MTUS2: variants seen among roughly 807,000 people sequenced by gnomAD.
MTUS2 encodes microtubule associated scaffold protein 2.
Under a neutral mutation model 114.1 loss-of-function variants are expected in MTUS2, and 40 were observed. The ratio of observed to expected loss-of-function variants is 0.35; its 90% CI spans 0.27 to 0.46. MTUS2 has a LOEUF of 0.46. Among genes scored for constraint, MTUS2 ranks in the 20% least tolerant of loss-of-function variants. The probability of loss-of-function intolerance (pLI) is 1.00; values close to 1 mark genes in which losing one functional copy is unlikely to be tolerated. For synonymous variants in MTUS2, 688 were observed against 672.0 expected (o/e 1.02, Z -0.37); for missense variants, 1,679 against 1,705.4 (o/e 0.98, Z 0.27).
intron 4 of MTUS2, among the ~76,000 whole-genome samples, chr13:29,046,117 AT>A (rs5802505): frequency 8.3e-5 from 12 of 144,744 alleles, no homozygotes; most frequent in African/African-American, 1.5e-4. Context: ...GTTAGTAAGT[AT>A]TTTTTTTTTT....
At chr13:28,957,666 C>G (rs182735607) in intron 2 of MTUS2, among the ~76,000 whole-genome samples, 152 of 150,584 alleles carry the variant, frequency 1.0e-3, no homozygotes, top group African/African-American at 3.5e-3. Flanking sequence ...CTTGAGCACC[C>G]ACAGATTTTT....
chr13:29,151,873 G>T (rs1305267028), intron 5 of MTUS2, among the ~76,000 whole-genome samples: 1 of 152,192 alleles, frequency 6.6e-6, no homozygotes, highest in East Asian at 1.9e-4. Flanking sequence ...TTGCATCCCA[G>T]GAGAAAAGAC....
intron 13 of MTUS2, among the ~76,000 whole-genome samples, chr13:29,498,032 G>A (rs1882659564): frequency 6.6e-6 from 1 of 152,148 alleles, no homozygotes; most frequent in African/African-American, 2.4e-5. Context: ...GCATAGGTGG[G>A]ACCTATAAGA....
intron 5 of MTUS2, among the ~76,000 whole-genome samples, chr13:29,204,817 C>T (rs1450345955): frequency 6.6e-6 from 1 of 152,246 alleles, no homozygotes; most frequent in African/African-American, 2.4e-5. Flanking sequence ...CCTCAGAACA[C>T]TAAAAGCGCG....
At chr13:29,310,151 C>G (rs1016752531) in intron 6 of MTUS2, among the ~76,000 whole-genome samples, 20 of 152,130 alleles carry the variant, frequency 1.3e-4, no homozygotes, top group Admixed American at 1.2e-3. Context: ...ATGCTAAGCG[C>G]TCTTAATCCA....
At chr13:28,994,078 T>A (rs955417034) in intron 2 of MTUS2, among the ~76,000 whole-genome samples, 1 of 151,906 alleles carries the variant, frequency 6.6e-6, no homozygotes. Context: ...CAGTCGCCGG[T>A]GTGTGATGTT....
intron 2 of MTUS2, among the ~76,000 whole-genome samples, chr13:28,858,097 G>A (rs1398891022): frequency 6.6e-6 from 1 of 151,154 alleles, no homozygotes; most frequent in Non-Finnish European, 1.5e-5. Context: ...AAGCCCTTGA[G>A]TGGGAATGTG....
intron 2 of MTUS2, among the ~76,000 whole-genome samples, chr13:28,886,826 C>T (rs2138158538): frequency 6.6e-6 from 1 of 152,248 alleles, no homozygotes; most frequent in East Asian, 1.9e-4. Context: ...GAGACCAAAG[C>T]TGCTTCAGCA....
chr13:29,497,094 T>C, intron 12 of MTUS2, 144 bp from the exon 13 acceptor site: 1 of 692,122 alleles, frequency 1.4e-6, no homozygotes, highest in South Asian at 1.8e-5. Flanking sequence ...GGGGCTCTCC[T>C]TTGGCACCTC....
intron 3 of MTUS2, among the ~76,000 whole-genome samples, chr13:29,032,102 G>A (rs2138514094): frequency 6.6e-6 from 1 of 152,222 alleles, no homozygotes; most frequent in South Asian, 2.1e-4. Context: ...TATTCTGTCA[G>A]TAAAGATGAA....
intron 2 of MTUS2, among the ~76,000 whole-genome samples, chr13:28,984,654 C>T (rs777373663): frequency 6.6e-6 from 1 of 152,194 alleles, no homozygotes; most frequent in African/African-American, 2.4e-5. Flanking sequence ...CGTAATTTGT[C>T]AAATGAGGAT....
At chr13:29,027,979 T>C (rs1157486004) in intron 3 of MTUS2, among the ~76,000 whole-genome samples, 1 of 152,210 alleles carries the variant, frequency 6.6e-6, no homozygotes, top group Non-Finnish European at 1.5e-5. Context: ...TTTTTAGCTA[T>C]GGTGAGTCAT....
At chr13:29,203,855 C>T (rs2139250148) in intron 5 of MTUS2, among the ~76,000 whole-genome samples, 1 of 152,294 alleles carries the variant, frequency 6.6e-6, no homozygotes, top group East Asian at 1.9e-4. Flanking sequence ...GGGCTGCATC[C>T]AGTGTCTAAC....
intron 5 of MTUS2, among the ~76,000 whole-genome samples, chr13:29,133,682 A>G (rs1051216387): frequency 1.3e-5 from 2 of 152,054 alleles, no homozygotes; most frequent in Non-Finnish European, 2.9e-5. Flanking sequence ...TTACTTTTGG[A>G]TTATTTATTC....
intron 6 of MTUS2, among the ~76,000 whole-genome samples, chr13:29,288,918 A>G (rs529069761): frequency 1.3e-5 from 2 of 152,326 alleles, no homozygotes; most frequent in South Asian, 2.1e-4. Context: ...AAAACAGCCA[A>G]ATCTGCTCTT....
chr13:28,961,465 A>C (rs565928311), intron 2 of MTUS2, among the ~76,000 whole-genome samples: 7 of 152,136 alleles, frequency 4.6e-5, no homozygotes, highest in Non-Finnish European at 1.0e-4. Context: ...GAGCAGAGCA[A>C]AGTGAAACCT....
rs1886430011 is a variant in MTUS2, at chr13:29,024,707, C to G, written c.9C>G (p.Val3=). ...CCACCAAAGGGTTGACAATGAGCGT[C>G]CCAGTGGCTCCTAAGAAATCATGTT... MS[V]PVAPKKSCYT... The change falls in exon 3 of 16, where the codon GTC becomes GTG. Residue 3 remains valine (V), a synonymous_variant. Coordinates refer to ENST00000612955, the MANE Select transcript of MTUS2 (RefSeq NM_001033602.4). The G allele has an allele frequency of 1.2e-6, 2 of 1,613,766 alleles. No homozygotes were observed. The highest frequency in any genetic ancestry group is 1.1e-5 in the South Asian group (1 of 91,002).
intron 2 of MTUS2, among the ~76,000 whole-genome samples, chr13:28,963,982 T>C (rs1259292915): frequency 6.6e-6 from 1 of 152,182 alleles, no homozygotes; most frequent in Non-Finnish European, 1.5e-5. Flanking sequence ...GAACTCTTCA[T>C]CCTTCGTTTC....
chr13:29,034,244 G>C, intron 4 of MTUS2, 119 bp downstream of exon 4: 1 of 1,337,442 alleles, frequency 7.5e-7, no homozygotes, highest in Non-Finnish European at 1.0e-6. Flanking sequence ...GCCTTTTTCT[G>C]TTCTTCCATA....
Sources: allele counts gnomAD v4.1 joint callset (sites outside exome capture counted in the v4.1 genomes callset), GRCh38; gene constraint gnomAD v4.1.1; transcripts MANE v1.5; gene names NCBI Gene and HGNC (gene_info 2026-07-23, HGNC 2026-07-21).